Variants in BMP6 observed in about 807,000 individuals in gnomAD.
BMP6 encodes the protein bone morphogenetic protein 6.
In BMP6, 17 loss-of-function variants were observed where a neutral mutation model predicts 54.1. The ratio of observed to expected loss-of-function variants is 0.31; its 90% CI spans 0.22 to 0.47. The LOEUF is 0.47. Among genes scored for constraint, BMP6 ranks in the 20% least tolerant of loss-of-function variants. The pLI is 1.00. For missense variants in BMP6, 720 were observed against 690.4 expected, an observed-to-expected ratio of 1.04 and a Z score of -0.48; for synonymous variants, 328 against 291.2, an observed-to-expected ratio of 1.13 and a Z score of -1.28.
intron 4 of BMP6, among the ~76,000 whole-genome samples, chr6:7,865,910 C>T (rs1038998224): frequency 1.3e-5 from 2 of 152,192 alleles, no homozygotes; most frequent in Admixed American, 6.5e-5. Context: ...ATCAAATTGC[C>T]TGTCATCAGG....
chr6:7,773,933 G>C (rs186946446), intron 1 of BMP6, among the ~76,000 whole-genome samples: 3 of 152,128 alleles, frequency 2.0e-5, no homozygotes, highest in Admixed American at 1.3e-4. Flanking sequence ...CCACTTGGTC[G>C]TTATTCCCTG....
intron 1 of BMP6, among the ~76,000 whole-genome samples, chr6:7,736,250 C>T (rs954590957): frequency 1.5e-4 from 23 of 152,210 alleles, no homozygotes; most frequent in African/African-American, 4.3e-4. Flanking sequence ...GATTAAATTT[C>T]TCCCTGGCTT....
intron 1 of BMP6, among the ~76,000 whole-genome samples, chr6:7,838,602 G>C (rs939454668): frequency 6.6e-6 from 1 of 152,074 alleles, no homozygotes. Context: ...AGTCCTTGCC[G>C]CTCTCCTGAT....
intron 1 of BMP6, among the ~76,000 whole-genome samples, chr6:7,827,827 T>C (rs1399004923): frequency 6.6e-6 from 1 of 152,256 alleles, no homozygotes; most frequent in Non-Finnish European, 1.5e-5. Context: ...TCTGACTTTA[T>C]CCTGTCCATC....
chr6:7,748,388 A>AT (rs1757375381), intron 1 of BMP6, among the ~76,000 whole-genome samples: 1 of 152,198 alleles, frequency 6.6e-6, no homozygotes, highest in Admixed American at 6.5e-5. Flanking sequence ...CATACCTGTC[A>AT]TACTATTTCA....
At chr6:7,761,070 C>T (rs766261781) in intron 1 of BMP6, among the ~76,000 whole-genome samples, 10 of 152,220 alleles carry the variant, frequency 6.6e-5, no homozygotes, top group Admixed American at 2.0e-4. Context: ...TCGGCATTAT[C>T]GTTACAATGC....
rs61119437 is a variant in BMP6 at position 7,854,385 on chromosome 6, A to G, written c.858-7066A>G. On this transcript the variant is annotated intron_variant, in intron 2 of 6. Coordinates refer to ENST00000283147, the MANE Select transcript of BMP6 (RefSeq NM_001718.6). The stretch of plus-strand genomic sequence containing the variant: ...AGATTACTTTGTAAAACATCTTTTT[A>G]AAAAAAAAAAATCAATAGCACTTTT... Among the ~76,000 whole-genome samples the G allele has an allele frequency of 6.1e-5, 9 of 147,396 alleles. 1 individual carries two copies. The highest frequency in any genetic ancestry group is 2.3e-4 in the African/African-American group (9 of 39,702).
At chr6:7,805,399 G>T (rs1758333405) in intron 1 of BMP6, among the ~76,000 whole-genome samples, 1 of 152,214 alleles carries the variant, frequency 6.6e-6, no homozygotes, top group Non-Finnish European at 1.5e-5. Flanking sequence ...TATCTTGGTT[G>T]TAGTCACCTT....
chr6:7,742,909 T>TC (rs1426888759), intron 1 of BMP6, among the ~76,000 whole-genome samples: 2 of 152,008 alleles, frequency 1.3e-5, no homozygotes, highest in Admixed American at 6.6e-5. Flanking sequence ...CAGAGATCTT[T>TC]CCCCCCCTTC....
intron 1 of BMP6, among the ~76,000 whole-genome samples, chr6:7,728,661 C>T (rs1283369591): frequency 6.6e-6 from 1 of 152,204 alleles, no homozygotes. Context: ...GACGCGCTGT[C>T]AGCGGACAGA....
intron 1 of BMP6, among the ~76,000 whole-genome samples, chr6:7,740,171 G>A (rs986056993): frequency 6.6e-6 from 1 of 152,090 alleles, no homozygotes; most frequent in African/African-American, 2.4e-5. Flanking sequence ...CTGCCACCAA[G>A]GCTCGGTGGC....
chr6:7,820,902 G>T (rs1014475233), intron 1 of BMP6, among the ~76,000 whole-genome samples: 5 of 152,218 alleles, frequency 3.3e-5, no homozygotes, highest in Non-Finnish European at 7.3e-5. Flanking sequence ...TCGCTTGTGT[G>T]CCCGGTTCAC....
chr6:7,875,735 TC>T (rs1320119005), intron 4 of BMP6, among the ~76,000 whole-genome samples: 1 of 152,180 alleles, frequency 6.6e-6, no homozygotes, highest in Non-Finnish European at 1.5e-5. Flanking sequence ...AAATTAACTA[TC>T]ACAGTGCTCT....
chr6:7,728,643 G>A (rs900925650), intron 1 of BMP6, among the ~76,000 whole-genome samples: 2 of 152,194 alleles, frequency 1.3e-5, no homozygotes, highest in Non-Finnish European at 1.5e-5. Flanking sequence ...GCAGACATAG[G>A]ATGGAGGGAC....
intron 1 of BMP6, among the ~76,000 whole-genome samples, chr6:7,830,695 CAG>C (rs1451870931): frequency 6.6e-6 from 1 of 152,166 alleles, no homozygotes. Context: ...TGATGGAAGA[CAG>C]AGGTACACCT....
Position 7,870,924 on chromosome 6 carries a change from C to T in BMP6, c.1205-8150C>T, listed in dbSNP as rs776142839. Among the ~76,000 whole-genome samples, 16 of 152,208 alleles carry T rather than the reference C, an allele frequency of 1.1e-4. 1 individual carries two copies. The highest frequency in any genetic ancestry group is 4.1e-4 in the South Asian group (2 of 4,832). On this transcript the variant is annotated intron_variant, in intron 4 of 6. Transcript: ENST00000283147. ...GATTACAGGCGTGAGCCACCGCGCC[C>T]GGCCTGTCTTGGATCTTTAGAGTTC...
At chr6:7,875,778 A>G (rs1245879832) in intron 4 of BMP6, among the ~76,000 whole-genome samples, 1 of 152,228 alleles carries the variant, frequency 6.6e-6, no homozygotes, top group Non-Finnish European at 1.5e-5. Context: ...GACTGTAATG[A>G]GAGAGAAAAG....
At chr6:7,804,875 C>T (rs1050829753) in intron 1 of BMP6, among the ~76,000 whole-genome samples, 3 of 138,202 alleles carry the variant, frequency 2.2e-5, no homozygotes, top group African/African-American at 5.5e-5. Context: ...TATTTTCCAA[C>T]GCTTTCTACA....
At chr6:7,789,281 A>G (rs1758061275) in intron 1 of BMP6, among the ~76,000 whole-genome samples, 1 of 152,208 alleles carries the variant, frequency 6.6e-6, no homozygotes, top group South Asian at 2.1e-4. Context: ...GGTTTCAGGA[A>G]GGAGTTCATA....
Sources: allele counts gnomAD v4.1 joint callset (sites outside exome capture counted in the v4.1 genomes callset), GRCh38; gene constraint gnomAD v4.1.1; transcripts MANE v1.5; gene names NCBI Gene and HGNC (gene_info 2026-07-23, HGNC 2026-07-21).